The following NTM variants were observed in gnomAD, a reference collection of about 807,000 sequenced individuals.
NTM encodes IgLON family member 2.
Under a neutral mutation model 42.1 loss-of-function variants are expected in NTM, and 13 were observed. The observed-to-expected ratio is 0.31, with a 90% CI of 0.20 to 0.49. NTM has a LOEUF of 0.49. Among genes scored for constraint, NTM ranks in the 20% least tolerant of loss-of-function variants. The pLI, the probability that NTM is intolerant of heterozygous loss-of-function variation, is 0.99. For synonymous variants in NTM, 187 were observed against 179.2 expected, an observed-to-expected ratio of 1.04 and a Z score of -0.35; for missense variants, 373 against 452.8, an observed-to-expected ratio of 0.82 and a Z score of 1.60.
At chr11:131,408,280 A>C (rs1946027238) in intron 1 of NTM, among the ~76,000 whole-genome samples, 1 of 152,212 alleles carries the variant, frequency 6.6e-6, no homozygotes, top group Admixed American at 6.5e-5. Flanking sequence ...TGAGATGTGC[A>C]AACCCCTATC....
intron 1 of NTM, among the ~76,000 whole-genome samples, chr11:131,755,740 C>G (rs961692318): frequency 1.2e-4 from 19 of 152,236 alleles, no homozygotes; most frequent in African/African-American, 4.6e-4. Flanking sequence ...AAATAGGGAG[C>G]AACACTCTAT....
chr11:131,765,099 A>T (rs969264327), intron 1 of NTM, among the ~76,000 whole-genome samples: 1 of 152,150 alleles, frequency 6.6e-6, no homozygotes, highest in Non-Finnish European at 1.5e-5. Flanking sequence ...CCTGAAAGCC[A>T]CTTAAAGAAT....
chr11:132,208,247 T>G lies in NTM; in HGVS notation c.401-3775T>G, dbSNP rs181068714. On this transcript the variant is annotated intron_variant, in intron 3 of 8. Transcript: ENST00000683400. ...GCACCCTAATCAATTCAAGTAGTCT[T>G]GAATACTGACAATGTACTAGAAGTT... 2.5e-3 allele frequency among the ~76,000 whole-genome samples: 375 copies of G among 152,340 alleles called. 3 individuals carry two copies. The highest frequency in any genetic ancestry group is 8.5e-3 in the African/African-American group (355 of 41,586).
chr11:132,046,236 C>T (rs750500999), intron 2 of NTM, among the ~76,000 whole-genome samples: 3 of 152,180 alleles, frequency 2.0e-5, no homozygotes, highest in African/African-American at 7.2e-5. Context: ...CTAATGCTGA[C>T]AGTTCATGCT....
intron 1 of NTM, among the ~76,000 whole-genome samples, chr11:131,556,583 T>C (rs992185219): frequency 1.6e-4 from 24 of 150,736 alleles, no homozygotes; most frequent in Non-Finnish European, 2.5e-4. Flanking sequence ...TTTTTTTTTT[T>C]TTGAGGTGGA....
intron 1 of NTM, among the ~76,000 whole-genome samples, chr11:131,885,875 T>G (rs1034824589): frequency 6.6e-6 from 1 of 151,856 alleles, no homozygotes; most frequent in East Asian, 1.9e-4. Flanking sequence ...ACCAGAGAGG[T>G]GTAGTTGATG....
chr11:132,067,349 C>G (rs2056674907), intron 2 of NTM, among the ~76,000 whole-genome samples: 1 of 152,156 alleles, frequency 6.6e-6, no homozygotes, highest in East Asian at 1.9e-4. Flanking sequence ...TTCCCCATAC[C>G]AACATACTGC....
intron 1 of NTM, among the ~76,000 whole-genome samples, chr11:131,699,108 C>T (rs915712628): frequency 3.3e-5 from 5 of 152,176 alleles, no homozygotes; most frequent in African/African-American, 1.2e-4. Flanking sequence ...TAAATTATAC[C>T]TTAACAACGT....
At position 132,320,166 on chromosome 11, in the gene NTM, A is replaced by T. The variant is rs150638624; in HGVS notation, c.934+5463A>T. ...GTAGATAAAACCACAAAGATGGGAT[A>T]AAAGCCGCAAGATGGCTGAATAGGA... On this transcript the variant is annotated intron_variant, in intron 7 of 8. Coordinates refer to ENST00000683400, the MANE Select transcript of NTM (RefSeq NM_001352005.2). 3.2e-3 allele frequency among the ~76,000 whole-genome samples: 484 copies of T among 152,356 alleles called. 4 individuals carry two copies. The highest frequency in any genetic ancestry group is 5.9e-3 in the Non-Finnish European group (402 of 68,030).
Position 131,659,347 on chromosome 11 carries a change from G to A in NTM, c.83-252217G>A, listed in dbSNP as rs182824206. Among the ~76,000 whole-genome samples the A allele has an allele frequency of 8.5e-5, 13 of 152,264 alleles. No homozygotes were observed. In the East Asian group the frequency reaches 1.7e-3, roughly 20 times the overall value. On this transcript the variant is annotated intron_variant, in intron 1 of 8. Coordinates refer to ENST00000683400, the MANE Select transcript of NTM (RefSeq NM_001352005.2). ...CACATCCTAGTGTGCAGGGTGCTTCGGGGTCCTCCTGTCTCACAGGTGAGA... is the reference window on the plus strand; with the variant it reads ...CACATCCTAGTGTGCAGGGTGCTTCAGGGTCCTCCTGTCTCACAGGTGAGA...
intron 2 of NTM, among the ~76,000 whole-genome samples, chr11:132,108,440 A>G (rs191549146): frequency 0.013 from 2,028 of 152,244 alleles, 25 homozygotes; most frequent in Non-Finnish European, 0.02. Context: ...GAGCGGAAAA[A>G]CAGACATCAT....
chr11:131,456,026 A>G (rs985998673), intron 1 of NTM, among the ~76,000 whole-genome samples: 2 of 152,136 alleles, frequency 1.3e-5, no homozygotes, highest in South Asian at 4.1e-4. Context: ...GTCTTGACCC[A>G]TTTGTGCCTA....
At chr11:132,013,738 T>G (rs569721742) in intron 2 of NTM, among the ~76,000 whole-genome samples, 1 of 152,216 alleles carries the variant, frequency 6.6e-6, no homozygotes, top group African/African-American at 2.4e-5. Context: ...ATTCAATAAT[T>G]TTTGTGTTTT....
At chr11:132,217,790 A>G (rs1555319828) in intron 4 of NTM, among the ~76,000 whole-genome samples, 1 of 149,560 alleles carries the variant, frequency 6.7e-6, no homozygotes, top group Non-Finnish European at 1.5e-5. Flanking sequence ...AAAAGGCACC[A>G]AATTGATGGA....
intron 1 of NTM, among the ~76,000 whole-genome samples, chr11:131,384,563 AAGAGAG>A (rs10564193): frequency 3.3e-5 from 5 of 151,024 alleles, no homozygotes; most frequent in African/African-American, 4.9e-5. Context: ...TTCTAATTTA[AAGAGAG>A]AGAGAGAGAG....
At chr11:132,165,698 A>G (rs955718882) in intron 3 of NTM, among the ~76,000 whole-genome samples, 4 of 152,106 alleles carry the variant, frequency 2.6e-5, no homozygotes, top group African/African-American at 4.8e-5. Context: ...ACCCTTATCT[A>G]CTATTGGAAG....
intron 1 of NTM, among the ~76,000 whole-genome samples, chr11:131,829,659 A>G (rs2042566195): frequency 6.6e-6 from 1 of 152,090 alleles, no homozygotes; most frequent in South Asian, 2.1e-4. Flanking sequence ...GTGTGAATGC[A>G]ACTTTTTGGT....
intron 1 of NTM, among the ~76,000 whole-genome samples, chr11:131,448,231 G>A (rs1441490816): frequency 6.6e-6 from 1 of 152,238 alleles, no homozygotes; most frequent in Non-Finnish European, 1.5e-5. Context: ...TGCCCTGAGT[G>A]AGGGGTTGGA....
At chr11:131,584,888 A>G (rs923673363) in intron 1 of NTM, among the ~76,000 whole-genome samples, 1 of 152,152 alleles carries the variant, frequency 6.6e-6, no homozygotes, top group Non-Finnish European at 1.5e-5. Context: ...TCAGTGCTGC[A>G]TCGGGCCTGG....
Sources: gnomAD v4.1 joint callset for allele counts (sites outside exome capture counted in the v4.1 genomes callset) on GRCh38, gnomAD v4.1.1 for gene constraint, MANE v1.5 for transcripts, NCBI Gene and HGNC (gene_info 2026-07-23, HGNC 2026-07-21) for gene names.